STPG2: variants seen among roughly 807,000 people sequenced by gnomAD.
The protein encoded by STPG2 is sperm tail PG-rich repeat containing 2.
Under a neutral mutation model 54.2 loss-of-function variants are expected in STPG2, and 56 were observed. The observed-to-expected ratio is 1.03, with a 90% confidence interval of 0.83 to 1.29. STPG2 has a LOEUF of 1.29. Ranked by LOEUF, STPG2 falls within the 50% of genes most tolerant of loss-of-function variation. The pLI, the probability that STPG2 is intolerant of heterozygous loss-of-function variation, is 0.00. For missense variants in STPG2, 596 were observed against 544.9 expected, an observed-to-expected ratio of 1.09 and a Z score of -0.93; for synonymous variants, 200 against 181.8, an observed-to-expected ratio of 1.10 and a Z score of -0.81.
At chr4:97,645,563 T>C (rs1721890440) in intron 10 of STPG2, among the ~76,000 whole-genome samples, 1 of 152,160 alleles carries the variant, frequency 6.6e-6, no homozygotes, top group South Asian at 2.1e-4. Context: ...GTTTAGTGAA[T>C]TTTATGACAT....
At chr4:97,892,826 C>G (rs1730823778) in intron 8 of STPG2, among the ~76,000 whole-genome samples, 1 of 152,106 alleles carries the variant, frequency 6.6e-6, no homozygotes, top group Admixed American at 6.6e-5. Flanking sequence ...CTGTCACCTG[C>G]TTTGCATAGC....
At chr4:97,457,880 T>A (rs1729567922) in intron 4 of STPG2, among the ~76,000 whole-genome samples, 1 of 152,190 alleles carries the variant, frequency 6.6e-6, no homozygotes, top group African/African-American at 2.4e-5. Context: ...ATGGCTTAAA[T>A]AACCATGATG....
intron 4 of STPG2, among the ~76,000 whole-genome samples, chr4:97,489,330 C>T (rs571511141): frequency 1.3e-5 from 2 of 151,762 alleles, no homozygotes; most frequent in South Asian, 4.2e-4. Context: ...ACAGATAAAT[C>T]GATACTAGTA....
At chr4:97,970,355 A>C (rs946282185) in intron 7 of STPG2, among the ~76,000 whole-genome samples, 1 of 152,214 alleles carries the variant, frequency 6.6e-6, no homozygotes, top group Non-Finnish European at 1.5e-5. Context: ...TTGCCAAGAC[A>C]ATCCTAAGCA....
At chr4:97,577,996 A>G (rs1027865179) in intron 10 of STPG2, among the ~76,000 whole-genome samples, 3 of 152,168 alleles carry the variant, frequency 2.0e-5, no homozygotes, top group African/African-American at 7.2e-5. Flanking sequence ...AGAAATTTAT[A>G]GAATTACACA....
chr4:97,741,864 G>T (rs1379355804), intron 9 of STPG2, among the ~76,000 whole-genome samples: 1 of 152,042 alleles, frequency 6.6e-6, no homozygotes, highest in African/African-American at 2.4e-5. Context: ...CCATTACTGG[G>T]TATATACCCA....
intron 5 of STPG2, among the ~76,000 whole-genome samples, chr4:98,017,210 C>T (rs529520582): frequency 6.6e-6 from 1 of 152,228 alleles, no homozygotes; most frequent in Non-Finnish European, 1.5e-5. Flanking sequence ...CAAGTACCGG[C>T]TTTTTGCCTG....
chr4:98,114,340 A>G (rs1739446855), intron 3 of STPG2, among the ~76,000 whole-genome samples: 1 of 152,152 alleles, frequency 6.6e-6, no homozygotes, highest in Non-Finnish European at 1.5e-5. Flanking sequence ...TATTATGACC[A>G]TAACAGACAG....
intron 10 of STPG2, among the ~76,000 whole-genome samples, chr4:97,695,125 A>G (rs1021535989): frequency 5.9e-5 from 9 of 151,960 alleles, no homozygotes; most frequent in Non-Finnish European, 1.0e-4. Flanking sequence ...ACCCAAAAGC[A>G]TATAAAAAAG....
chr4:97,904,360 G>T (rs1731313037), intron 8 of STPG2, among the ~76,000 whole-genome samples: 1 of 152,082 alleles, frequency 6.6e-6, no homozygotes, highest in Non-Finnish European at 1.5e-5. Context: ...CACACGGCTG[G>T]CCAGGTACTC....
intron 4 of STPG2, among the ~76,000 whole-genome samples, chr4:97,474,850 A>G (rs1560624144): frequency 6.6e-6 from 1 of 152,090 alleles, no homozygotes; most frequent in Non-Finnish European, 1.5e-5. Context: ...GTTGACCCAT[A>G]CTTTTCTCTT....
At chr4:97,933,772 A>C (rs991232413) in intron 8 of STPG2, among the ~76,000 whole-genome samples, 7 of 152,062 alleles carry the variant, frequency 4.6e-5, no homozygotes, top group Non-Finnish European at 8.8e-5. Flanking sequence ...GTAGCCTTGT[A>C]GTGTGGTTTG....
chr4:97,948,277 A>G (rs1394728736), intron 7 of STPG2, among the ~76,000 whole-genome samples: 1 of 151,824 alleles, frequency 6.6e-6, no homozygotes, highest in Non-Finnish European at 1.5e-5. Context: ...CTCCAATTTT[A>G]TTTCTAATTG....
intron 4 of STPG2, among the ~76,000 whole-genome samples, chr4:97,548,647 ATTCTT>A (rs1386863239): frequency 1.3e-5 from 2 of 152,104 alleles, no homozygotes; most frequent in East Asian, 3.9e-4. Context: ...TAGTTCTTGA[ATTCTT>A]TTCTTTTTAT....
At chr4:98,073,489 G>A (rs1738068622) in intron 5 of STPG2, among the ~76,000 whole-genome samples, 1 of 152,188 alleles carries the variant, frequency 6.6e-6, no homozygotes, top group Non-Finnish European at 1.5e-5. Context: ...ACTTTGGGAA[G>A]CCGAGGCAGG....
chr4:98,033,253 A>C (rs944328564), intron 5 of STPG2, among the ~76,000 whole-genome samples: 2 of 152,150 alleles, frequency 1.3e-5, no homozygotes, highest in Non-Finnish European at 2.9e-5. Context: ...TAGATGCAAT[A>C]AAAAATAATA....
intron 10 of STPG2, among the ~76,000 whole-genome samples, chr4:97,688,462 G>A (rs112070722): frequency 0.092 from 13,979 of 152,092 alleles, 1,822 homozygotes; most frequent in African/African-American, 0.29. Context: ...TGCCTCCCGG[G>A]TTCACACCAT....
chr4:97,945,422 G>A (rs951290664), intron 7 of STPG2, among the ~76,000 whole-genome samples: 1 of 151,888 alleles, frequency 6.6e-6, no homozygotes. Flanking sequence ...AGTATTCCAT[G>A]GTGTATATAT....
chr4:98,010,171 C>T (rs1735700793), intron 5 of STPG2, among the ~76,000 whole-genome samples: 1 of 151,792 alleles, frequency 6.6e-6, no homozygotes, highest in Non-Finnish European at 1.5e-5. Context: ...TTTTCTAGAT[C>T]CCCGAGCTTC....
Sources: gnomAD v4.1 joint callset for allele counts (sites outside exome capture counted in the v4.1 genomes callset) on GRCh38, gnomAD v4.1.1 for gene constraint, MANE v1.5 for transcripts, NCBI Gene and HGNC (gene_info 2026-07-23, HGNC 2026-07-21) for gene names.